DMD: variants seen among roughly 807,000 people sequenced by gnomAD.
DMD encodes the protein mutant dystrophin.
DMD carries 63 observed loss-of-function variants against 330.1 expected under a neutral mutation model. The observed-to-expected ratio is 0.19, with a 90% CI of 0.16 to 0.24. DMD has a LOEUF of 0.24. Ranked by LOEUF, DMD falls within the 10% of genes least tolerant of loss-of-function variation. DMD has a pLI of 1.00. For synonymous variants in DMD, 1,223 were observed against 959.8 expected (o/e 1.27, Z -5.07); for missense variants, 3,344 against 2,684.1 (o/e 1.25, Z -5.43).
intron 60 of DMD, among the ~76,000 whole-genome samples, chrX:31,368,057 C>G (rs1334686992): frequency 9.0e-6 from 1 of 111,581 alleles, no homozygotes; most frequent in Non-Finnish European, 1.9e-5. Context: ...TGTGCAAGTT[C>G]TAACTCGTGC....
chrX:32,752,524 C>A (rs1010389188), intron 7 of DMD, among the ~76,000 whole-genome samples: 25 of 106,514 alleles, frequency 2.3e-4, no homozygotes, highest in African/African-American at 8.6e-4. Context: ...TATAGGCTCA[C>A]AGGCAGAAGG....
intron 42 of DMD, among the ~76,000 whole-genome samples, chrX:32,303,483 T>C (rs780360255): frequency 7.2e-5 from 8 of 111,394 alleles, no homozygotes; most frequent in Non-Finnish European, 1.3e-4. Flanking sequence ...GTTATACATA[T>C]ACTTAAATGC....
chrX:31,263,929 A>T lies in DMD; in HGVS notation c.9225-2913T>A, dbSNP rs764209416. Among the ~76,000 whole-genome samples, 3 of 112,444 alleles carry T rather than the reference A, an allele frequency of 2.7e-5. No homozygotes were observed. In the South Asian group the frequency reaches 1.1e-3, roughly 41 times the overall value. On this transcript the variant is annotated intron_variant, in intron 62 of 78. Transcript: ENST00000357033. ...CAAAAAACCTTCAGATTCTTTGGTA[A>T]CTATATGACGAACCAAATATTCACT...
intron 44 of DMD, among the ~76,000 whole-genome samples, chrX:32,110,571 C>G (rs140512618): frequency 3.5e-4 from 39 of 111,498 alleles, no homozygotes; most frequent in African/African-American, 1.2e-3. Flanking sequence ...CCTTTAGACT[C>G]TAACTGGAGA....
intron 51 of DMD, among the ~76,000 whole-genome samples, chrX:31,749,610 G>A (rs1187995094): frequency 4.1e-4 from 45 of 110,169 alleles, no homozygotes; most frequent in African/African-American, 1.5e-3. Context: ...ACATACATGT[G>A]CATGTGTCTT....
chrX:32,709,529 A>G (rs1210229212), intron 7 of DMD, among the ~76,000 whole-genome samples: 1 of 111,882 alleles, frequency 8.9e-6, no homozygotes, highest in African/African-American at 3.2e-5. Flanking sequence ...ACACTTAGCT[A>G]AAAGCACTCT....
At chrX:32,008,708 G>T in intron 44 of DMD, among the ~76,000 whole-genome samples, 1 of 111,571 alleles carries the variant, frequency 9.0e-6, no homozygotes, top group Middle Eastern at 4.7e-3. Context: ...GTAAGAGGTG[G>T]GAGAATCATT....
intron 7 of DMD, among the ~76,000 whole-genome samples, chrX:32,706,382 A>C (rs1034222556): frequency 2.0e-5 from 2 of 98,795 alleles, no homozygotes; most frequent in Non-Finnish European, 3.9e-5. Flanking sequence ...TTAAAGTATA[A>C]TAATAAAAAA....
chrX:33,257,626 T>C (rs150345925), intron 1 of DMD, among the ~76,000 whole-genome samples: 1 of 111,428 alleles, frequency 9.0e-6, no homozygotes, highest in East Asian at 2.8e-4. Flanking sequence ...CATCCATTAG[T>C]AATCACGGTG....
intron 76 of DMD, among the ~76,000 whole-genome samples, chrX:31,144,728 C>G (rs1448220048): frequency 9.0e-6 from 1 of 111,249 alleles, no homozygotes; most frequent in Admixed American, 9.5e-5. Context: ...AAGTATATAA[C>G]CAGTTTAGGT....
Position 32,700,288 on chromosome X carries a change from G to A in DMD, c.650-995C>T, listed in dbSNP as rs1330509040. 2.7e-5 allele frequency among the ~76,000 whole-genome samples: 3 copies of A among 110,962 alleles called. No homozygotes were observed. The East Asian group carries it at 8.5e-4, about 31-fold the overall frequency. On this transcript the variant is annotated intron_variant, in intron 7 of 78. Coordinates refer to ENST00000357033, the MANE Select transcript of DMD (RefSeq NM_004006.3). ...TTGAGACAGCATGTGTAAATCTGGA[G>A]GATATTAAGTGAAATAAGCCAGGCA...
intron 30 of DMD, among the ~76,000 whole-genome samples, chrX:32,399,577 A>C (rs886706672): frequency 2.7e-5 from 3 of 111,403 alleles, no homozygotes; most frequent in Admixed American, 9.5e-5. Flanking sequence ...AAAACAAGCA[A>C]TAACAAATGT....
chrX:32,114,931 A>G (rs1046373524), intron 44 of DMD, among the ~76,000 whole-genome samples: 2 of 111,953 alleles, frequency 1.8e-5, no homozygotes, highest in Non-Finnish European at 3.8e-5. Context: ...AATGTCTTTT[A>G]TCAAGGTCAA....
intron 52 of DMD, among the ~76,000 whole-genome samples, chrX:31,709,191 G>A (rs1489330893): frequency 2.7e-5 from 3 of 111,507 alleles, no homozygotes; most frequent in Non-Finnish European, 5.6e-5. Context: ...AGAATCACTC[G>A]AAACAGGAGG....
chrX:32,043,658 G>A (rs927494966), intron 44 of DMD, among the ~76,000 whole-genome samples: 3 of 111,623 alleles, frequency 2.7e-5, no homozygotes, highest in Non-Finnish European at 5.6e-5. Context: ...ACAAGCCTAT[G>A]AGAGACGATT....
At chrX:31,138,123 T>C (rs2035491251) in intron 76 of DMD, among the ~76,000 whole-genome samples, 1 of 111,647 alleles carries the variant, frequency 9.0e-6, no homozygotes, top group Admixed American at 9.5e-5. Flanking sequence ...AGAATGTCTT[T>C]GACTGGTTGG....
At chrX:33,156,522 T>G (rs2048514008) in intron 1 of DMD, among the ~76,000 whole-genome samples, 2 of 112,080 alleles carry the variant, frequency 1.8e-5, no homozygotes, top group African/African-American at 6.5e-5. Flanking sequence ...AGAGTTACAT[T>G]TAACCTTCAC....
At chrX:32,561,561 C>A (rs768461890) in intron 16 of DMD, among the ~76,000 whole-genome samples, 3 of 111,299 alleles carry the variant, frequency 2.7e-5, no homozygotes, top group Non-Finnish European at 5.6e-5. Context: ...ACGGGGAGAA[C>A]GGAACCAAGT....
At chrX:33,017,684 G>A (rs2093830364) in intron 2 of DMD, among the ~76,000 whole-genome samples, 1 of 111,058 alleles carries the variant, frequency 9.0e-6, no homozygotes. Flanking sequence ...TGCCTTTGAT[G>A]GGCTCACATT....
Sources: gnomAD v4.1 joint callset for allele counts (sites outside exome capture counted in the v4.1 genomes callset) on GRCh38, gnomAD v4.1.1 for gene constraint, MANE v1.5 for transcripts, NCBI Gene and HGNC (gene_info 2026-07-23, HGNC 2026-07-21) for gene names.